The following ANAPC11 variants were observed in gnomAD, a reference collection of about 807,000 sequenced individuals.
ANAPC11 encodes the protein anaphase-promoting complex subunit 11.
In ANAPC11, 5 loss-of-function variants were observed where a neutral mutation model predicts 11.8. That is an observed-to-expected ratio of 0.42 (90% CI 0.22 to 0.89). The LOEUF (loss-of-function observed/expected upper bound fraction) is 0.89. Among genes scored for constraint, ANAPC11 ranks in the 40% least tolerant of loss-of-function variants. The pLI, the probability that ANAPC11 is intolerant of heterozygous loss-of-function variation, is 0.28. For synonymous variants in ANAPC11, 45 were observed against 41.0 expected (o/e 1.10, Z -0.38); for missense variants, 68 against 112.9 (o/e 0.60, Z 1.80).
chr17:81,899,617 CAGAG>C (rs2039871291), intron 3 of ANAPC11: 2 of 1,486,040 alleles, frequency 1.3e-6, no homozygotes, highest in Middle Eastern at 4.3e-4. Flanking sequence ...GCCACCTCCT[CAGAG>C]AGGCCCCTGG....
At chr17:81,897,073 T>C (rs1002018385) in intron 3 of ANAPC11, among the ~76,000 whole-genome samples, 1 of 152,184 alleles carries the variant, frequency 6.6e-6, no homozygotes. Flanking sequence ...CGATCTTGGC[T>C]CACTGCAACT....
At chr17:81,899,219 A>G (rs747894485) in intron 3 of ANAPC11, 1 of 1,606,012 alleles carries the variant, frequency 6.2e-7, no homozygotes, top group South Asian at 1.1e-5. Context: ...CATGGCTGAT[A>G]CAAGCATCCC....
upstream of ANAPC11, chr17:81,891,389 G>T: frequency 9.0e-7 from 1 of 1,108,780 alleles, no homozygotes; most frequent in Admixed American, 5.0e-5. Context: ...TGGCCGGCCG[G>T]TTCCGGATGG....
chr17:81,896,798 C>CTTT (rs1156391578), intron 3 of ANAPC11, among the ~76,000 whole-genome samples: 13 of 42,910 alleles, frequency 3.0e-4, no homozygotes, highest in Admixed American at 4.4e-4. Context: ...GCCTCCTTTG[C>CTTT]TTTTTTTTTT....
intron 3 of ANAPC11, among the ~76,000 whole-genome samples, chr17:81,895,902 G>A (rs780803725): frequency 2.6e-4 from 39 of 152,094 alleles, no homozygotes; most frequent in Non-Finnish European, 5.1e-4. Flanking sequence ...GGGAGACGGG[G>A]GTTGCAGTGA....
At chr17:81,891,607 C>G (rs760262088), upstream of ANAPC11, 3 of 1,377,092 alleles carry the variant, frequency 2.2e-6, no homozygotes, top group Middle Eastern at 1.9e-4. Flanking sequence ...GTCAGCACGC[C>G]GGCACGTCAC....
At chr17:81,896,422 CA>C (rs1301069394) in intron 3 of ANAPC11, among the ~76,000 whole-genome samples, 1 of 149,404 alleles carries the variant, frequency 6.7e-6, no homozygotes, top group East Asian at 1.9e-4. Context: ...AACTCCATCT[CA>C]AAAAAAAAGA....
At chr17:81,895,215 C>T (rs150102902) in intron 3 of ANAPC11, among the ~76,000 whole-genome samples, 93 of 152,072 alleles carry the variant, frequency 6.1e-4, no homozygotes, top group East Asian at 3.1e-3. Flanking sequence ...CCACTACACC[C>T]GGCTAATTTT....
chr17:81,895,461 G>A (rs2143547196), intron 3 of ANAPC11, among the ~76,000 whole-genome samples: 1 of 152,366 alleles, frequency 6.6e-6, no homozygotes, highest in East Asian at 1.9e-4. Flanking sequence ...ATGAAACTCA[G>A]CTGTGAAATA....
upstream of ANAPC11, chr17:81,890,936 G>A (rs903822121): frequency 4.1e-6 from 6 of 1,474,160 alleles, no homozygotes; most frequent in Admixed American, 2.0e-5. Context: ...CGGCCGAAAC[G>A]GGGCCGCCAG....
intron 3 of ANAPC11, chr17:81,898,582 C>T (rs1397043433): frequency 6.6e-6 from 1 of 152,486 alleles, no homozygotes; most frequent in African/African-American, 2.4e-5. Flanking sequence ...TGCTTCCATA[C>T]TAAGCAGCAC....
chr17:81,893,225 TGGGATTACA>T, intron 1 of ANAPC11: 1 of 152,362 alleles, frequency 6.6e-6, no homozygotes, highest in Admixed American at 6.5e-5. Context: ...CCCGAGTAGC[TGGGATTACA>T]GTTGCCCACC....
At chr17:81,891,662 G>A (rs1002365022), upstream of ANAPC11, 14 of 1,207,846 alleles carry the variant, frequency 1.2e-5, no homozygotes, top group East Asian at 5.5e-4. Flanking sequence ...CCTCGGAGCG[G>A]CTGCTGATTG....
chr17:81,897,908 G>A (rs1000701691), intron 3 of ANAPC11, among the ~76,000 whole-genome samples: 4 of 152,162 alleles, frequency 2.6e-5, no homozygotes, highest in African/African-American at 9.7e-5. Flanking sequence ...TAGGTGTGGC[G>A]CCTGGCCCGT....
upstream of ANAPC11, chr17:81,891,460 A>C: frequency 9.3e-7 from 1 of 1,077,318 alleles, no homozygotes; most frequent in Non-Finnish European, 1.1e-6. Context: ...CCGCCCTGGG[A>C]GCCGGCCCGG....
At chr17:81,892,087 C>T (rs1354397436) in intron 1 of ANAPC11, 6 of 154,494 alleles carry the variant, frequency 3.9e-5, no homozygotes, top group Non-Finnish European at 8.6e-5. Flanking sequence ...CGGGCGGCAG[C>T]CGCTGCAGAC....
intron 3 of ANAPC11, chr17:81,899,367 A>G (rs1391952465): frequency 1.9e-6 from 3 of 1,613,824 alleles, no homozygotes; most frequent in Non-Finnish European, 2.5e-6. Flanking sequence ...TGGGCAGCAC[A>G]CCGGATCCCT....
intron 3 of ANAPC11, among the ~76,000 whole-genome samples, chr17:81,896,361 G>A (rs1195684431): frequency 6.6e-6 from 1 of 152,158 alleles, no homozygotes; most frequent in African/African-American, 2.4e-5. Flanking sequence ...GGCAGATGTT[G>A]TGGTGAGCCA....
chr17:81,895,858 T>G (rs1288184330), intron 3 of ANAPC11, among the ~76,000 whole-genome samples: 3 of 152,038 alleles, frequency 2.0e-5, no homozygotes, highest in African/African-American at 7.3e-5. Flanking sequence ...TCCCAGCTAC[T>G]GGGGAGGCTG....
Sources: gnomAD v4.1 joint callset for allele counts (sites outside exome capture counted in the v4.1 genomes callset) on GRCh38, gnomAD v4.1.1 for gene constraint, MANE v1.5 for transcripts, NCBI Gene and HGNC (gene_info 2026-07-23, HGNC 2026-07-21) for gene names.